Variants in PDZD2 observed in about 807,000 individuals in gnomAD.
The protein encoded by PDZD2 is PDZ domain-containing protein 2.
PDZD2 carries 90 observed loss-of-function variants against 220.7 expected under a neutral mutation model. The observed-to-expected ratio is 0.41, with a 90% CI of 0.34 to 0.49. The LOEUF (loss-of-function observed/expected upper bound fraction) is 0.49. Ranked by LOEUF, PDZD2 falls within the 20% of genes least tolerant of loss-of-function variation. PDZD2 has a pLI of 0.28. For missense variants in PDZD2, 3,174 were observed against 3,608.5 expected, an observed-to-expected ratio of 0.88 and a Z score of 3.08; for synonymous variants, 1,375 against 1,450.5, an observed-to-expected ratio of 0.95 and a Z score of 1.18.
At chr5:31,877,770 A>G (rs1739440394) in intron 2 of PDZD2, among the ~76,000 whole-genome samples, 1 of 151,838 alleles carries the variant, frequency 6.6e-6, no homozygotes, top group African/African-American at 2.4e-5. Flanking sequence ...GCTCACTGCA[A>G]CCTCTCCCTC....
intron 2 of PDZD2, among the ~76,000 whole-genome samples, chr5:31,959,674 A>G (rs534189779): frequency 1.4e-4 from 21 of 152,232 alleles, no homozygotes; most frequent in Non-Finnish European, 2.8e-4. Flanking sequence ...AAGAGTCAAT[A>G]AAGCTTGGAA....
intron 2 of PDZD2, among the ~76,000 whole-genome samples, chr5:31,904,827 C>A (rs975739429): frequency 6.6e-6 from 1 of 152,114 alleles, no homozygotes; most frequent in African/African-American, 2.4e-5. Context: ...GCAATTACAT[C>A]GAATAAGGCT....
intron 1 of PDZD2, among the ~76,000 whole-genome samples, chr5:31,731,025 T>A (rs533627055): frequency 6.4e-4 from 98 of 152,366 alleles, no homozygotes; most frequent in Non-Finnish European, 1.2e-3. Flanking sequence ...TGCCTCTGTT[T>A]GAGCTCCCAA....
intron 2 of PDZD2, among the ~76,000 whole-genome samples, chr5:31,903,883 G>A (rs750809359): frequency 2.6e-5 from 4 of 151,624 alleles, no homozygotes; most frequent in African/African-American, 7.3e-5. Flanking sequence ...GCCACCATGC[G>A]CAGGAAATTT....
intron 1 of PDZD2, among the ~76,000 whole-genome samples, chr5:31,764,694 C>T (rs1485661955): frequency 6.6e-6 from 1 of 152,210 alleles, no homozygotes; most frequent in Non-Finnish European, 1.5e-5. Context: ...TCCTCCTCTT[C>T]CCGTTTTTCA....
chr5:31,776,895 G>A (rs909458406), intron 1 of PDZD2, among the ~76,000 whole-genome samples: 3 of 152,034 alleles, frequency 2.0e-5, no homozygotes, highest in African/African-American at 4.8e-5. Flanking sequence ...CTGGTCTCAG[G>A]TGATCTGCCT....
At chr5:31,831,540 A>T (rs1756588385) in intron 2 of PDZD2, among the ~76,000 whole-genome samples, 1 of 152,168 alleles carries the variant, frequency 6.6e-6, no homozygotes, top group Non-Finnish European at 1.5e-5. Flanking sequence ...CAAGGTCAAG[A>T]TATCAAGACC....
chr5:31,805,408 G>A (rs1369013709), intron 2 of PDZD2, among the ~76,000 whole-genome samples: 1 of 152,096 alleles, frequency 6.6e-6, no homozygotes, highest in Non-Finnish European at 1.5e-5. Flanking sequence ...TGTGAGTTTT[G>A]TCTTAAAAAG....
At chr5:31,722,085 G>C (rs1457167952) in intron 1 of PDZD2, among the ~76,000 whole-genome samples, 1 of 152,128 alleles carries the variant, frequency 6.6e-6, no homozygotes, top group Non-Finnish European at 1.5e-5. Flanking sequence ...CCCCAAGCAA[G>C]GCTGCTCCCT....
chr5:31,857,896 A>G (rs1758594692), intron 2 of PDZD2, among the ~76,000 whole-genome samples: 1 of 152,106 alleles, frequency 6.6e-6, no homozygotes, highest in African/African-American at 2.4e-5. Context: ...GTGCGATCTC[A>G]GCTCACTGCA....
At chr5:31,791,266 T>G (rs78739615) in intron 1 of PDZD2, among the ~76,000 whole-genome samples, 3 of 151,740 alleles carry the variant, frequency 2.0e-5, no homozygotes, top group Non-Finnish European at 4.4e-5. Context: ...GCTTACTGAG[T>G]TGGGGAGCTG....
intron 2 of PDZD2, among the ~76,000 whole-genome samples, chr5:31,864,753 G>A (rs1738037799): frequency 6.6e-6 from 1 of 150,438 alleles, no homozygotes; most frequent in African/African-American, 2.4e-5. Context: ...CTGACCTCAG[G>A]TGATCTCACC....
At chr5:31,996,354 G>A (rs2111971170) in intron 4 of PDZD2, among the ~76,000 whole-genome samples, 1 of 152,366 alleles carries the variant, frequency 6.6e-6, no homozygotes, top group East Asian at 1.9e-4. Context: ...AAAGCAGGAG[G>A]ATTGCTTGAG....
chr5:32,077,517 T>G lies in PDZD2; in HGVS notation c.3593T>G (p.Leu1198Arg). The G allele has an allele frequency of 5.0e-6, 8 of 1,613,830 alleles. No individual in the cohort carries two copies. Among genetic ancestry groups the G allele is most frequent in the Non-Finnish European group, 6.8e-6 (8 of 1,179,676 alleles). ...GCTTGTGTCTCTACCAGCTGTGAACTAGCCAGTGCTCTGTCCCATCTGGAT... is the reference window on the plus strand; with the variant it reads ...GCTTGTGTCTCTACCAGCTGTGAACGAGCCAGTGCTCTGTCCCATCTGGAT... ...GDACVSTSCE[L>R]ASALSHLDAS... is the part of the protein sequence containing the mutation. The change falls in exon 19 of 25, where the codon CTA (leucine) becomes CGA (arginine). Residue 1198 changes from leucine (L) to arginine (R), a missense_variant. By Grantham distance (102) the Leu-to-Arg change is moderately radical (BLOSUM62 -2). Around this residue, in one of 4 missense-constraint regions of PDZD2, gnomAD observed 1,861 missense variants for 2,001.0 expected, o/e 0.93. Transcript: ENST00000438447.
chr5:31,983,964 T>G (rs181250181), intron 3 of PDZD2, among the ~76,000 whole-genome samples: 12 of 152,322 alleles, frequency 7.9e-5, no homozygotes, highest in Admixed American at 5.2e-4. Context: ...TGTGTTAAAA[T>G]TTGAGTCATG....
At chr5:31,687,179 C>G (rs922199468) in intron 1 of PDZD2, among the ~76,000 whole-genome samples, 4 of 152,162 alleles carry the variant, frequency 2.6e-5, no homozygotes, top group African/African-American at 9.7e-5. Flanking sequence ...ATACCAAAGT[C>G]AGGTTAATCA....
chr5:31,955,011 G>A (rs746173668), intron 2 of PDZD2, among the ~76,000 whole-genome samples: 1 of 152,072 alleles, frequency 6.6e-6, no homozygotes, highest in Non-Finnish European at 1.5e-5. Flanking sequence ...TCATATCCCC[G>A]CCGGGGTTGA....
Position 32,000,367 on chromosome 5 carries a change from T to G in PDZD2, c.1254+96T>G. 7.4e-7 allele frequency: 1 copy of G among 1,343,158 alleles called. No individual in the cohort carries two copies. Among genetic ancestry groups the G allele is most frequent in the South Asian group, 1.2e-5 (1 of 80,394 alleles). 83.2% of individuals were successfully genotyped at this position (1,343,158 alleles called of 1,614,324 possible). Reference sequence around the variant, plus strand: ...TGCCACACACACACACAAAGACATGTGTGCACTTGTACGTTTGCCTTGGGC... The same window carrying G: ...TGCCACACACACACACAAAGACATGGGTGCACTTGTACGTTTGCCTTGGGC... On this transcript the variant is annotated intron_variant, in intron 5 of 24. Transcript: ENST00000438447. The surrounding 1 kb of genome is among the most constrained non-coding windows in gnomAD (Gnocchi z 4.5).
chr5:31,935,945 C>T (rs1047143687), intron 2 of PDZD2: 7 of 208,034 alleles, frequency 3.4e-5, no homozygotes, highest in Non-Finnish European at 5.9e-5. Flanking sequence ...ATATGATTTC[C>T]CCCCATACTC....
Sources: gnomAD v4.1 joint callset for allele counts (sites outside exome capture counted in the v4.1 genomes callset) on GRCh38, gnomAD v4.1.1 for gene constraint, gnomAD v4.1.1 regional missense constraint, Gnocchi (gnomAD v3.1) non-coding constraint, MANE v1.5 for transcripts, NCBI Gene and HGNC (gene_info 2026-07-23, HGNC 2026-07-21) for gene names.